The following TF variants were observed in gnomAD, a reference collection of about 807,000 sequenced individuals.
TF encodes the protein transferrin, also known as serotransferrin.
A neutral mutation model predicts 82.4 loss-of-function variants in TF; 55 were observed. The observed-to-expected ratio is 0.67, with a 90% CI of 0.54 to 0.84. The LOEUF (loss-of-function observed/expected upper bound fraction) is 0.84. TF is among the 40% of genes least tolerant of loss of function. TF has a pLI of 0.00. For synonymous variants in TF, 332 were observed against 332.6 expected (o/e 1.00, Z 0.02); for missense variants, 737 against 868.4 (o/e 0.85, Z 1.90).
At chr3:133,664,926 G>T in the TF span, 2 of 152,000 alleles carry the variant, frequency 1.3e-5, no homozygotes, top group African/African-American at 2.4e-5. Flanking sequence ...TGAGGTTTCG[G>T]TGCTTACTTT....
the TF span, among the ~76,000 whole-genome samples, chr3:133,705,795 A>T: frequency 6.6e-6 from 1 of 152,208 alleles, no homozygotes; most frequent in South Asian, 2.1e-4. Flanking sequence ...AATCAGTAAT[A>T]CTGGCTCAAA....
chr3:133,768,784 ATTT>A (rs5852766), intron 13 of TF, among the ~76,000 whole-genome samples: 19,076 of 82,392 alleles, frequency 0.23, 1,141 homozygotes, highest in African/African-American at 0.28. Flanking sequence ...GTACCTTGCT[ATTT>A]TTTTTTTTTT....
chr3:133,729,317 T>C, the TF span, among the ~76,000 whole-genome samples: 3 of 152,194 alleles, frequency 2.0e-5, no homozygotes, highest in African/African-American at 7.2e-5. Context: ...CCACCCAGTT[T>C]GAGCTTCCCA....
chr3:133,689,749 C>G, the TF span, among the ~76,000 whole-genome samples: 1 of 152,050 alleles, frequency 6.6e-6, no homozygotes. Context: ...ATTCAACTAC[C>G]TAATTATCTA....
At chr3:133,764,815 A>G (rs1403745979) in intron 10 of TF, 60 bp from the exon 11 acceptor site, 2 of 1,544,270 alleles carry the variant, frequency 1.3e-6, no homozygotes, top group Non-Finnish European at 1.8e-6. Flanking sequence ...AAAAAAAGGC[A>G]TGGTTTCCCA....
At chr3:133,663,350 A>ACTTT in the TF span, among the ~76,000 whole-genome samples, 2 of 75,794 alleles carry the variant, frequency 2.6e-5, no homozygotes, top group African/African-American at 1.0e-4. Flanking sequence ...AAATATCATT[A>ACTTT]ATTTTTTTTT....
chr3:133,664,155 C>T, the TF span, among the ~76,000 whole-genome samples: 1 of 152,112 alleles, frequency 6.6e-6, no homozygotes, highest in Admixed American at 6.5e-5. Flanking sequence ...CAATCTGTGC[C>T]CTTCAGGTGA....
chr3:133,723,998 T>C, the TF span, among the ~76,000 whole-genome samples: 3 of 152,226 alleles, frequency 2.0e-5, no homozygotes, highest in East Asian at 5.8e-4. Context: ...TCATTTTTTA[T>C]GGCTGCATAG....
Position 133,782,117 on chromosome 3 carries a change from G to A in TF, c.*3497G>A, listed in dbSNP as rs1934527313. On this transcript the variant is annotated 3_prime_UTR_variant, in exon 17 of 17. Coordinates refer to ENST00000402696, the MANE Select transcript of TF (RefSeq NM_001063.4). The stretch of plus-strand genomic sequence containing the variant: ...ATGAGACACTAGATAATAATAGGAT[G>A]ACTATTATCAAAAAGTCAAAAGATA... 6.6e-6 allele frequency: 1 copy of A among 152,136 alleles called. No homozygotes were observed. The highest frequency in any genetic ancestry group is 2.1e-4 in the South Asian group (1 of 4,820). The allele number at this position is 152,136 out of a possible 1,614,324, so 9.4% of individuals were successfully genotyped here. A position where few individuals can be genotyped will look rare whatever the true frequency, so the allele number is the denominator to read the frequency against.
intron 6 of TF, 29 bp downstream of exon 6, chr3:133,756,366 C>A: frequency 6.2e-7 from 1 of 1,610,980 alleles, no homozygotes; most frequent in African/African-American, 1.3e-5. Context: ...TCCACCAGGG[C>A]CACTCCAAGT....
Position 133,757,966 on chromosome 3 carries a change from C to T in TF, c.1048+20C>T. ...GCACATGTGAGTACCTGGGAAGAAC[C>T]AGGTGACCACAAGCACTTGGGAAAC... is the stretch of plus-strand genomic sequence containing the variant. On this transcript the variant is annotated intron_variant, in intron 8 of 16. Coordinates refer to ENST00000402696, the MANE Select transcript of TF (RefSeq NM_001063.4). 1.2e-6 allele frequency: 2 copies of T among 1,613,410 alleles called. No individual in the cohort carries two copies. The highest frequency in any genetic ancestry group is 1.7e-6 in the Non-Finnish European group (2 of 1,179,744).
chr3:133,776,869 A>G (rs1934405042), intron 15 of TF, among the ~76,000 whole-genome samples, 180 bp from the exon 16 acceptor site: 1 of 152,158 alleles, frequency 6.6e-6, no homozygotes, highest in African/African-American at 2.4e-5. Context: ...TCATGAAAGC[A>G]TGCAGCTGGG....
At chr3:133,768,422 G>A (rs922068965) in intron 13 of TF, among the ~76,000 whole-genome samples, 1 of 152,178 alleles carries the variant, frequency 6.6e-6, no homozygotes, top group African/African-American at 2.4e-5. Flanking sequence ...TGACCCCCAC[G>A]GGACATTTGG....
chr3:133,721,613 G>A, the TF span, among the ~76,000 whole-genome samples: 1 of 152,150 alleles, frequency 6.6e-6, no homozygotes, highest in Non-Finnish European at 1.5e-5. Context: ...GATCTATGAT[G>A]CAGTTAAAGT....
At position 133,789,878 on chromosome 3, in the gene TF, C is replaced by CAT. The variant is rs1559884865; in HGVS notation, c.*11258_*11259insAT. 3.8e-5 allele frequency: 2 copies of CAT among 52,440 alleles called. No homozygotes were observed. The highest frequency in any genetic ancestry group is 9.3e-4 in the East Asian group (2 of 2,158). The allele number at this position is 52,440 out of a possible 1,614,324, so 3.2% of individuals were successfully genotyped here. On this transcript the variant is annotated 3_prime_UTR_variant, in exon 17 of 17. Transcript: ENST00000402696. ...AGCCAAAACAAAACGATCTCGTTTGCGTTTTTTTTTTTTTTTTTTTTTTTT... is the reference window on the plus strand; with the variant it reads ...AGCCAAAACAAAACGATCTCGTTTGCATGTTTTTTTTTTTTTTTTTTTTTTTT...
At chr3:133,699,531 T>G in the TF span, 17 of 986,478 alleles carry the variant, frequency 1.7e-5, no homozygotes, top group Non-Finnish European at 2.5e-5. Flanking sequence ...ATACAAGGAC[T>G]GCCATTTGGC....
chr3:133,747,556 T>G (rs993354696), intron 1 of TF, among the ~76,000 whole-genome samples: 6 of 152,208 alleles, frequency 3.9e-5, no homozygotes, highest in Admixed American at 3.3e-4. Context: ...ACAGAGGGCC[T>G]TGGGGACAGG....
At chr3:133,763,786 C>A (rs1028371876) in intron 9 of TF, among the ~76,000 whole-genome samples, 1 of 152,212 alleles carries the variant, frequency 6.6e-6, no homozygotes, top group East Asian at 1.9e-4. Context: ...CTAGAGCCCC[C>A]CTTCAGAAGG....
chr3:133,673,866 T>G, the TF span, among the ~76,000 whole-genome samples: 1 of 152,226 alleles, frequency 6.6e-6, no homozygotes, highest in Non-Finnish European at 1.5e-5. Context: ...TGTATTTAAA[T>G]TCAGATTTTC....
Sources: gnomAD v4.1 joint callset for allele counts (sites outside exome capture counted in the v4.1 genomes callset) on GRCh38, gnomAD v4.1.1 for gene constraint, MANE v1.5 for transcripts, NCBI Gene and HGNC (gene_info 2026-07-23, HGNC 2026-07-21) for gene names.